The following IL34 variants were observed in gnomAD, a reference collection of about 807,000 sequenced individuals.
The protein encoded by IL34 is interleukin-34.
A neutral mutation model predicts 25.3 loss-of-function variants in IL34; 17 were observed. That is an observed-to-expected ratio of 0.67 (90% CI 0.46 to 1.01). The LOEUF is 1.01. Among genes scored for constraint, IL34 ranks in the 50% least tolerant of loss-of-function variants. IL34 has a pLI of 0.00. For synonymous variants in IL34, 174 were observed against 140.9 expected, an observed-to-expected ratio of 1.23 and a Z score of -1.66; for missense variants, 368 against 312.9, an observed-to-expected ratio of 1.18 and a Z score of -1.33.
chr16:70,632,750 G>A (rs2051547999), intron 1 of IL34, among the ~76,000 whole-genome samples: 1 of 152,130 alleles, frequency 6.6e-6, no homozygotes, highest in East Asian at 1.9e-4. Flanking sequence ...AGAGCTATGG[G>A]GAGGGATCTG....
intron 1 of IL34, among the ~76,000 whole-genome samples, chr16:70,592,874 T>C (rs1343945595): frequency 6.6e-6 from 1 of 152,122 alleles, no homozygotes; most frequent in Non-Finnish European, 1.5e-5. Context: ...AGGCTGGTCT[T>C]GAACTCCTGA....
chr16:70,633,340 A>C (rs1026280501), intron 1 of IL34, among the ~76,000 whole-genome samples: 7 of 149,524 alleles, frequency 4.7e-5, no homozygotes, highest in African/African-American at 9.9e-5. Context: ...TGCAGCTTTG[A>C]CCTCCCAGGC....
chr16:70,598,134 C>G (rs2050851410), intron 1 of IL34, among the ~76,000 whole-genome samples: 1 of 152,188 alleles, frequency 6.6e-6, no homozygotes, highest in African/African-American at 2.4e-5. Context: ...GCATAAGGCA[C>G]CGCGCCTGGT....
intron 1 of IL34, among the ~76,000 whole-genome samples, chr16:70,583,494 A>G (rs2050658277): frequency 6.6e-6 from 1 of 152,118 alleles, no homozygotes; most frequent in Non-Finnish European, 1.5e-5. Context: ...GTGGCCTGGT[A>G]TGCCTCCAGC....
intron 1 of IL34, among the ~76,000 whole-genome samples, chr16:70,631,917 C>G (rs2051527038): frequency 7.0e-6 from 1 of 143,516 alleles, no homozygotes; most frequent in African/African-American, 2.6e-5. Flanking sequence ...TGGCAAAACC[C>G]TGTCTCTACA....
chr16:70,587,936 G>A (rs1331762220), intron 1 of IL34, among the ~76,000 whole-genome samples: 2 of 152,102 alleles, frequency 1.3e-5, no homozygotes, highest in Admixed American at 1.3e-4. Flanking sequence ...TTACTCAGGA[G>A]GCTGAGGAAT....
chr16:70,610,129 G>A (rs2051069069), intron 1 of IL34, among the ~76,000 whole-genome samples: 1 of 152,026 alleles, frequency 6.6e-6, no homozygotes, highest in African/African-American at 2.4e-5. Context: ...TTGAACCTGG[G>A]AGGTGGAGGT....
At chr16:70,580,414 A>G (rs1431045381) in intron 1 of IL34, among the ~76,000 whole-genome samples, 1 of 152,212 alleles carries the variant, frequency 6.6e-6, no homozygotes, top group Non-Finnish European at 1.5e-5. Context: ...TCCACTATAT[A>G]TTGCCGTAGG....
At chr16:70,628,939 C>T (rs1423045524) in intron 1 of IL34, among the ~76,000 whole-genome samples, 1 of 151,952 alleles carries the variant, frequency 6.6e-6, no homozygotes, top group East Asian at 1.9e-4. Context: ...AAGCATGTAC[C>T]ATTGTGTCCA....
chr16:70,645,433 A>AG (rs1246324599), upstream of IL34, among the ~76,000 whole-genome samples: 1 of 152,056 alleles, frequency 6.6e-6, no homozygotes, highest in African/African-American at 2.4e-5. Flanking sequence ...CCCCCACCAG[A>AG]GGGGAGACAG....
In IL34 at chr16:70,659,595, CCTGA is replaced by C. The variant is rs761630574; in HGVS notation, c.403-19_403-16del. ...GGTGCGGCCCCATCTCGCCACCGCT[CCTGA>C]CTGTTTCCTCCTTTCCAGGATGTGG... On this transcript the variant is annotated intron_variant, in intron 4 of 5. Transcript: ENST00000288098. 2.0e-5 allele frequency: 32 copies of C among 1,593,268 alleles called. No homozygotes were observed. The highest frequency in any genetic ancestry group is 1.5e-4 in the Admixed American group (9 of 59,384).
intron 1 of IL34, among the ~76,000 whole-genome samples, chr16:70,628,091 T>G (rs866240921): frequency 6.6e-6 from 1 of 152,236 alleles, no homozygotes; most frequent in Non-Finnish European, 1.5e-5. Context: ...TCTACATTGT[T>G]GCAACACTTG....
chr16:70,642,503 G>C (rs2051810120), upstream of IL34, among the ~76,000 whole-genome samples: 1 of 151,968 alleles, frequency 6.6e-6, no homozygotes, highest in Non-Finnish European at 1.5e-5. Flanking sequence ...TCACCATGTT[G>C]GTCAGGCTTG....
At chr16:70,659,468 G>T in intron 4 of IL34, 150 bp from the exon 5 acceptor site, 1 of 984,234 alleles carries the variant, frequency 1.0e-6, no homozygotes, top group East Asian at 2.7e-5. Context: ...GGAAGAAGAT[G>T]GTGAGAAATA....
intron 1 of IL34, among the ~76,000 whole-genome samples, chr16:70,636,318 G>C (rs1056973333): frequency 6.6e-5 from 10 of 152,024 alleles, no homozygotes; most frequent in African/African-American, 2.2e-4. Flanking sequence ...TTACAGGTGT[G>C]AGCCACTGTG....
intron 1 of IL34, among the ~76,000 whole-genome samples, chr16:70,623,873 G>T (rs1467783429): frequency 2.7e-5 from 4 of 150,744 alleles, no homozygotes; most frequent in South Asian, 4.2e-4. Flanking sequence ...AAGCCTGGCC[G>T]TCAATACTCA....
chr16:70,596,354 A>T (rs2050823101), intron 1 of IL34, among the ~76,000 whole-genome samples: 1 of 152,208 alleles, frequency 6.6e-6, no homozygotes, highest in African/African-American at 2.4e-5. Context: ...TTATGCCAAG[A>T]CTAAGACTGC....
intron 1 of IL34, among the ~76,000 whole-genome samples, chr16:70,595,298 T>A (rs1326359208): frequency 6.6e-6 from 1 of 151,384 alleles, no homozygotes; most frequent in Non-Finnish European, 1.5e-5. Context: ...CTCTCTAGTT[T>A]TCTTCTCCTT....
At chr16:70,659,377 C>T (rs968304170) in intron 4 of IL34, among the ~76,000 whole-genome samples, 2 of 152,214 alleles carry the variant, frequency 1.3e-5, no homozygotes, top group Non-Finnish European at 2.9e-5. Flanking sequence ...GCCCTTTACT[C>T]ATTTTTCAAG....
Sources: allele counts gnomAD v4.1 joint callset (sites outside exome capture counted in the v4.1 genomes callset), GRCh38; gene constraint gnomAD v4.1.1; transcripts MANE v1.5; gene names NCBI Gene and HGNC (gene_info 2026-07-23, HGNC 2026-07-21).